KCNH1: variants seen among roughly 807,000 people sequenced by gnomAD.
KCNH1 encodes potassium voltage-gated channel subfamily H member 1, also known as voltage-gated delayed rectifier potassium channel KCNH1.
In KCNH1, 27 loss-of-function variants were observed where a neutral mutation model predicts 69.2. The observed-to-expected ratio is 0.39, with a 90% CI of 0.29 to 0.54. KCNH1 has a LOEUF of 0.54. Among genes scored for constraint, KCNH1 ranks in the 20% least tolerant of loss-of-function variants. The probability of loss-of-function intolerance (pLI) is 0.68; values close to 1 mark genes in which losing one functional copy is unlikely to be tolerated. For synonymous variants in KCNH1, 456 were observed against 487.7 expected, an observed-to-expected ratio of 0.93 and a Z score of 0.86; for missense variants, 798 against 1,261.6, an observed-to-expected ratio of 0.63 and a Z score of 5.57.
chr1:210,934,691 A>T (rs1195771523), intron 6 of KCNH1, among the ~76,000 whole-genome samples: 3 of 152,112 alleles, frequency 2.0e-5, no homozygotes, highest in Non-Finnish European at 4.4e-5. Context: ...AATGCCCAAC[A>T]TCATTAATCA....
intron 6 of KCNH1, among the ~76,000 whole-genome samples, chr1:210,939,317 G>A (rs1451173656): frequency 2.0e-5 from 3 of 152,090 alleles, no homozygotes; most frequent in Non-Finnish European, 4.4e-5. Flanking sequence ...TGAAAAATTT[G>A]GCAAGAAATG....
intron 10 of KCNH1, among the ~76,000 whole-genome samples, chr1:210,727,711 G>T (rs1682635004): frequency 6.6e-6 from 1 of 152,138 alleles, no homozygotes; most frequent in African/African-American, 2.4e-5. Flanking sequence ...AATTTAATAA[G>T]CTTTCTCTGG....
chr1:210,850,817 T>C (rs1685683698), intron 7 of KCNH1, among the ~76,000 whole-genome samples: 1 of 152,218 alleles, frequency 6.6e-6, no homozygotes, highest in African/African-American at 2.4e-5. Context: ...AGGCTTTGTT[T>C]ATCAGCATCC....
chr1:211,113,225 T>C (rs1691505724), intron 1 of KCNH1, among the ~76,000 whole-genome samples: 1 of 152,190 alleles, frequency 6.6e-6, no homozygotes, highest in Admixed American at 6.5e-5. Flanking sequence ...CAGGGTAAAG[T>C]TGGGATTTGA....
chr1:211,057,068 T>A (rs1690324095), intron 5 of KCNH1, among the ~76,000 whole-genome samples: 1 of 152,110 alleles, frequency 6.6e-6, no homozygotes, highest in South Asian at 2.1e-4. Flanking sequence ...GAGACAGAGA[T>A]ATGTGACCTT....
At chr1:210,879,693 G>A (rs1295173884) in intron 7 of KCNH1, among the ~76,000 whole-genome samples, 1 of 152,008 alleles carries the variant, frequency 6.6e-6, no homozygotes, top group Non-Finnish European at 1.5e-5. Flanking sequence ...ACTAACATTA[G>A]GAACAAGGTA....
At chr1:211,090,965 C>A (rs575976874) in intron 3 of KCNH1, among the ~76,000 whole-genome samples, 116 of 152,194 alleles carry the variant, frequency 7.6e-4, no homozygotes, top group African/African-American at 2.7e-3. Context: ...AGGTTGAGAA[C>A]CCCACCAGAT....
intron 7 of KCNH1, among the ~76,000 whole-genome samples, chr1:210,910,662 G>A (rs533526039): frequency 6.6e-5 from 10 of 152,344 alleles, no homozygotes; most frequent in African/African-American, 1.9e-4. Context: ...AAGGTTGACC[G>A]AAGGCAAGAG....
In KCNH1 at chr1:210,744,145, C is replaced by T. The variant is rs546071897; in HGVS notation, c.2112+31203G>A. 2.6e-5 allele frequency among the ~76,000 whole-genome samples: 4 copies of T among 152,284 alleles called. No homozygotes were observed. In the East Asian group the frequency reaches 5.8e-4, roughly 22 times the overall value. ...GAGGATAAGCAAGGGGGATGTGGTC[C>T]CTCCACCGGAATGCAGGCTCAGAGT... On this transcript the variant is annotated intron_variant, in intron 10 of 10. Transcript: ENST00000271751.
intron 9 of KCNH1, among the ~76,000 whole-genome samples, chr1:210,786,295 G>A (rs1684100844): frequency 6.6e-6 from 1 of 152,132 alleles, no homozygotes. Context: ...ATCAAAATGT[G>A]CCAGTTTACC....
chr1:210,843,623 A>G (rs886532063), intron 7 of KCNH1, among the ~76,000 whole-genome samples: 2 of 152,174 alleles, frequency 1.3e-5, no homozygotes, highest in Admixed American at 1.3e-4. Context: ...ATTAAAAACA[A>G]CCAAATGGCA....
intron 6 of KCNH1, among the ~76,000 whole-genome samples, chr1:210,996,325 C>G (rs1173926491): frequency 6.6e-6 from 1 of 152,182 alleles, no homozygotes; most frequent in African/African-American, 2.4e-5. Context: ...AACGGCACAC[C>G]AGGAGATTAT....
chr1:210,734,751 G>A (rs1003701330), intron 10 of KCNH1, among the ~76,000 whole-genome samples: 1 of 152,004 alleles, frequency 6.6e-6, no homozygotes, highest in African/African-American at 2.4e-5. Flanking sequence ...ACCTGCTCAT[G>A]GGGCTTCCTA....
At chr1:210,695,012 C>T (rs1310744189) in intron 10 of KCNH1, among the ~76,000 whole-genome samples, 2 of 152,218 alleles carry the variant, frequency 1.3e-5, no homozygotes, top group African/African-American at 4.8e-5. Context: ...ATGGGGGCAG[C>T]GCCCATATAG....
At chr1:210,832,931 T>TATATATATATATATATATATAGA (rs1202393975) in intron 7 of KCNH1, among the ~76,000 whole-genome samples, 1 of 118,266 alleles carries the variant, frequency 8.5e-6, no homozygotes, top group Non-Finnish European at 2.0e-5. Flanking sequence ...TACATATAAA[T>TATATATATATATATATATATAGA]TGAATTTGAG....
chr1:211,131,905 A>G (rs1022970865), intron 1 of KCNH1, among the ~76,000 whole-genome samples: 1 of 152,242 alleles, frequency 6.6e-6, no homozygotes, highest in Non-Finnish European at 1.5e-5. Context: ...GACAATGCCC[A>G]TCCTAAAAAT....
At chr1:211,003,297 G>A (rs1409622446) in intron 6 of KCNH1, among the ~76,000 whole-genome samples, 1 of 152,150 alleles carries the variant, frequency 6.6e-6, no homozygotes, top group Non-Finnish European at 1.5e-5. Flanking sequence ...GAGAAGAAAG[G>A]TCAATGAGAT....
At chr1:210,907,965 T>C (rs1205998383) in intron 7 of KCNH1, among the ~76,000 whole-genome samples, 1 of 152,242 alleles carries the variant, frequency 6.6e-6, no homozygotes, top group Admixed American at 6.5e-5. Context: ...CTCTTTTCCA[T>C]GTCTGTTTCC....
intron 6 of KCNH1, among the ~76,000 whole-genome samples, chr1:210,987,663 C>T (rs187288072): frequency 5.3e-5 from 8 of 152,262 alleles, no homozygotes; most frequent in Middle Eastern, 3.4e-3. Flanking sequence ...CAGAGGAGTA[C>T]CCGGCCGTGT....
Sources: gnomAD v4.1 joint callset for allele counts (sites outside exome capture counted in the v4.1 genomes callset) on GRCh38, gnomAD v4.1.1 for gene constraint, MANE v1.5 for transcripts, NCBI Gene and HGNC (gene_info 2026-07-23, HGNC 2026-07-21) for gene names.